GPR143: variants seen among roughly 807,000 people sequenced by gnomAD.
GPR143 encodes G-protein coupled receptor 143.
Under a neutral mutation model 27.6 loss-of-function variants are expected in GPR143, and 8 were observed. The observed-to-expected ratio is 0.29, with a 90% confidence interval of 0.17 to 0.52. The LOEUF is 0.52. Ranked by LOEUF, GPR143 falls within the 20% of genes least tolerant of loss-of-function variation. GPR143 has a pLI of 0.96. For missense variants in GPR143, 303 were observed against 343.1 expected (o/e 0.88, Z 0.92); for synonymous variants, 156 against 153.2 (o/e 1.02, Z -0.13).
rs180948163 is a variant in GPR143 at position 9,747,978 on chromosome X, C to T, written c.548+596G>A. The T allele has an allele frequency of 7.5e-3, 883 of 117,064 alleles. 2 individuals carry two copies. Among genetic ancestry groups the T allele is most frequent in the Non-Finnish European group, 0.011 (639 of 55,926 alleles). 9.6% of individuals were successfully genotyped at this position (117,064 alleles called of 1,213,427 possible). A position where few individuals can be genotyped will look rare whatever the true frequency, so the allele number is the denominator to read the frequency against. On this transcript the variant is annotated intron_variant, in intron 4 of 8. Coordinates refer to ENST00000467482, the MANE Select transcript of GPR143 (RefSeq NM_000273.3). ...TTCCATTGGAAGTTAGAGTATATAT[C>T]CTTGGAAAGACCTTGGCTTTGCAAC...
At position 9,745,026 on chromosome X, in the gene GPR143, T is replaced by C. The variant is rs1260614789; in HGVS notation, c.658+1018A>G. Among the ~76,000 whole-genome samples the C allele has an allele frequency of 2.7e-5, 3 of 111,633 alleles. No homozygotes were observed. The Admixed American group carries it at 2.8e-4, about 11-fold the overall frequency. On this transcript the variant is annotated intron_variant, in intron 5 of 8. Transcript: ENST00000467482. Reference sequence around the variant, plus strand: ...CGGCACTTTGGGAGGCCAAGGTGGGTGGATCACCCGAGGTCAGGAGTTTAA... The same window carrying C: ...CGGCACTTTGGGAGGCCAAGGTGGGCGGATCACCCGAGGTCAGGAGTTTAA...
chrX:9,726,086 A>G (rs1009957459), intron 8 of GPR143: 1 of 515,884 alleles, frequency 1.9e-6, no homozygotes, highest in Non-Finnish European at 2.4e-6. Context: ...AGCCCTACAG[A>G]ATCATCTAGG....
At chrX:9,752,725 A>G (rs979756800) in intron 3 of GPR143, among the ~76,000 whole-genome samples, 1 of 111,962 alleles carries the variant, frequency 8.9e-6, no homozygotes, top group Non-Finnish European at 1.9e-5. Flanking sequence ...GCACACCTGT[A>G]GCCCCAGCTA....
chrX:9,765,858 C>A (rs180998522), upstream of GPR143: 2 of 1,030,325 alleles, frequency 1.9e-6, no homozygotes, highest in Admixed American at 3.8e-5. Context: ...GCCAGGACCC[C>A]GCCGGCCTGC....
chrX:9,766,938 CA>C (rs2083537215), upstream of GPR143, among the ~76,000 whole-genome samples: 1 of 106,916 alleles, frequency 9.4e-6, no homozygotes, highest in Non-Finnish European at 1.9e-5. Context: ...CACACACACA[CA>C]CACACACAGA....
intron 3 of GPR143, among the ~76,000 whole-genome samples, chrX:9,751,485 T>A (rs1441384265): frequency 8.9e-6 from 1 of 112,394 alleles, no homozygotes; most frequent in Non-Finnish European, 1.9e-5. Flanking sequence ...AAGATGGCTG[T>A]CAGCACGTGC....
upstream of GPR143, among the ~76,000 whole-genome samples, chrX:9,767,551 C>G (rs2083540045): frequency 9.1e-6 from 1 of 110,351 alleles, no homozygotes; most frequent in South Asian, 3.8e-4. Flanking sequence ...CACTGCCAGA[C>G]AGGAAGCGGA....
chrX:9,763,104 T>C (rs1323697718), intron 1 of GPR143, among the ~76,000 whole-genome samples: 1 of 107,950 alleles, frequency 9.3e-6, no homozygotes, highest in Non-Finnish European at 1.9e-5. Context: ...TTTTTGTTGT[T>C]TTTTTTTTCT....
intron 1 of GPR143, among the ~76,000 whole-genome samples, chrX:9,773,715 A>G (rs2083562492): frequency 9.5e-6 from 1 of 105,127 alleles, no homozygotes; most frequent in African/African-American, 3.5e-5. Context: ...TCTACCAAAA[A>G]TACAGAAGCA....
At chrX:9,753,101 C>T (rs1292106363) in intron 3 of GPR143, among the ~76,000 whole-genome samples, 1 of 111,517 alleles carries the variant, frequency 9.0e-6, no homozygotes, top group Non-Finnish European at 1.9e-5. Flanking sequence ...AAAGGCCGGG[C>T]GCAGTGGCTC....
intron 8 of GPR143, among the ~76,000 whole-genome samples, chrX:9,730,801 G>T (rs1035782083): frequency 1.3e-4 from 15 of 111,842 alleles, no homozygotes; most frequent in African/African-American, 4.6e-4. Context: ...TGCCCCAAAG[G>T]CTCTTGTTTG....
At chrX:9,743,720 T>A (rs965434396) in intron 5 of GPR143, 47 bp from the exon 6 acceptor site, 3 of 790,908 alleles carry the variant, frequency 3.8e-6, no homozygotes. Flanking sequence ...TATTCATGTT[T>A]ACGGAGTGAC....
intron 8 of GPR143, among the ~76,000 whole-genome samples, chrX:9,729,188 C>G (rs2083342908): frequency 9.0e-6 from 1 of 111,473 alleles, no homozygotes; most frequent in Non-Finnish European, 1.9e-5. Flanking sequence ...CCTTCCAGTT[C>G]CGGAGCAACA....
At chrX:9,775,419 G>A (rs1463298661) in intron 1 of GPR143, among the ~76,000 whole-genome samples, 1 of 111,988 alleles carries the variant, frequency 8.9e-6, no homozygotes, top group African/African-American at 3.2e-5. Flanking sequence ...ACTGAGAAGA[G>A]GAAAGTTCAG....
chrX:9,756,370 A>T (rs2083474024), intron 3 of GPR143, among the ~76,000 whole-genome samples: 1 of 112,452 alleles, frequency 8.9e-6, no homozygotes, highest in South Asian at 3.7e-4. Context: ...TAAGAAATCA[A>T]GGAAAGAAAT....
chrX:9,737,908 G>T, intron 8 of GPR143, among the ~76,000 whole-genome samples: 1 of 111,185 alleles, frequency 9.0e-6, no homozygotes, highest in Non-Finnish European at 1.9e-5. Flanking sequence ...ACTCAGGTGG[G>T]AGGATTGCTT....
chrX:9,741,193 G>T (rs1408870280), intron 7 of GPR143, 145 bp downstream of exon 7: 7 of 408,307 alleles, frequency 1.7e-5, no homozygotes, highest in African/African-American at 1.3e-4. Context: ...CCAAGACAGA[G>T]GATTGCTTGA....
chrX:9,730,773 T>C (rs2083349783), intron 8 of GPR143, among the ~76,000 whole-genome samples: 2 of 112,076 alleles, frequency 1.8e-5, no homozygotes, highest in Non-Finnish European at 3.8e-5. Flanking sequence ...GAAGCAGCCT[T>C]GAAAGGCAGC....
intron 8 of GPR143, among the ~76,000 whole-genome samples, chrX:9,738,862 A>G (rs950724546): frequency 1.8e-5 from 2 of 111,790 alleles, no homozygotes; most frequent in Admixed American, 1.9e-4. Context: ...ACCTCAGGTG[A>G]TCCGCCCACC....
Sources: allele counts gnomAD v4.1 joint callset (sites outside exome capture counted in the v4.1 genomes callset), GRCh38; gene constraint gnomAD v4.1.1; transcripts MANE v1.5; gene names NCBI Gene and HGNC (gene_info 2026-07-23, HGNC 2026-07-21).